Variants in TRMT11 observed in about 807,000 individuals in gnomAD.
TRMT11 encodes the protein tRNA methyltransferase 11.
In TRMT11, 53 loss-of-function variants were observed where a neutral mutation model predicts 62.8. The ratio of observed to expected loss-of-function variants is 0.84; its 90% confidence interval spans 0.68 to 1.06. The LOEUF (loss-of-function observed/expected upper bound fraction) is 1.06. Among genes scored for constraint, TRMT11 ranks in the 50% least tolerant of loss-of-function variants. TRMT11 has a pLI of 0.00. For synonymous variants in TRMT11, 188 were observed against 190.3 expected (o/e 0.99, Z 0.10); for missense variants, 556 against 553.4 (o/e 1.00, Z -0.05).
rs1583871300 is a variant in TRMT11 at position 126,087,694 on chromosome 6, G to C, written c.*1438-25172G>C. Among the ~76,000 whole-genome samples, 3 of 152,188 alleles carry C rather than the reference G, an allele frequency of 2.0e-5. No individual in the cohort carries two copies. In the South Asian group the frequency reaches 6.2e-4, roughly 31 times the overall value. On this transcript the variant is annotated intron_variant and NMD_transcript_variant, in intron 17 of 22. Coordinates refer to the TRMT11 transcript ENST00000648977. ...GCCTTGTAGGAGGCAGGGCCAGGCTGTTCTTGCTTTTAAACTAGGTAGCCA... is the reference window on the plus strand; with the variant it reads ...GCCTTGTAGGAGGCAGGGCCAGGCTCTTCTTGCTTTTAAACTAGGTAGCCA...
chr6:126,194,024 GA>G (rs1294736738), intron 1 of TRMT11, among the ~76,000 whole-genome samples: 1 of 152,142 alleles, frequency 6.6e-6, no homozygotes, highest in African/African-American at 2.4e-5. Flanking sequence ...TTTGTGGTCA[GA>G]AAAGATACTT....
intron 21 of TRMT11, among the ~76,000 whole-genome samples, chr6:126,137,757 T>C (rs532395367): frequency 6.6e-6 from 1 of 151,948 alleles, no homozygotes; most frequent in East Asian, 1.9e-4. Context: ...GCAAATATAG[T>C]GTATATACAC....
the TRMT11 span, among the ~76,000 whole-genome samples, chr6:126,237,634 T>A: frequency 1.3e-5 from 2 of 152,026 alleles, no homozygotes; most frequent in Non-Finnish European, 1.5e-5. Context: ...TGAGCTGAGA[T>A]CATGGCACAG....
At chr6:126,109,527 C>G (rs1777507110) in intron 17 of TRMT11, among the ~76,000 whole-genome samples, 1 of 152,092 alleles carries the variant, frequency 6.6e-6, no homozygotes, top group Non-Finnish European at 1.5e-5. Flanking sequence ...CTAATTTGTC[C>G]AGCTATTGGT....
intron 21 of TRMT11, among the ~76,000 whole-genome samples, chr6:126,151,874 C>CTTTCTT (rs1459413861): frequency 1.3e-5 from 1 of 79,648 alleles, no homozygotes; most frequent in Non-Finnish European, 2.5e-5. Context: ...TTCCTTCTTT[C>CTTTCTT]TCCTTCCTTC....
chr6:126,074,854 C>T (rs1015824724), intron 17 of TRMT11, among the ~76,000 whole-genome samples: 4 of 152,168 alleles, frequency 2.6e-5, no homozygotes, highest in Admixed American at 2.6e-4. Context: ...ATTTTCAAGA[C>T]TAGCTGTCAG....
chr6:126,079,927 A>G (rs1333465478), intron 17 of TRMT11, among the ~76,000 whole-genome samples: 1 of 152,194 alleles, frequency 6.6e-6, no homozygotes, highest in Non-Finnish European at 1.5e-5. Flanking sequence ...CAAGGTATGC[A>G]CATTCACTAT....
At chr6:126,108,595 T>C (rs1777490434) in intron 17 of TRMT11, among the ~76,000 whole-genome samples, 1 of 152,146 alleles carries the variant, frequency 6.6e-6, no homozygotes, top group Non-Finnish European at 1.5e-5. Flanking sequence ...GAGCTGGAAA[T>C]TGCACCCCAA....
At chr6:126,249,066 G>A in the TRMT11 span, among the ~76,000 whole-genome samples, 344 of 152,014 alleles carry the variant, frequency 2.3e-3, no homozygotes, top group Non-Finnish European at 4.1e-3. Context: ...TCTTTTTAAT[G>A]AACAAGGTAT....
At chr6:126,198,121 A>G (rs923066909) in intron 1 of TRMT11, among the ~76,000 whole-genome samples, 7 of 152,318 alleles carry the variant, frequency 4.6e-5, no homozygotes, top group South Asian at 4.1e-4. Context: ...ACCTTTCAGG[A>G]CACAGTCACT....
intron 1 of TRMT11, among the ~76,000 whole-genome samples, chr6:126,193,343 T>G (rs571087175): frequency 6.6e-6 from 1 of 152,054 alleles, no homozygotes; most frequent in South Asian, 2.1e-4. Context: ...GTTTATTATT[T>G]TGTTTATATT....
downstream of TRMT11, among the ~76,000 whole-genome samples, chr6:126,204,016 C>G (rs111317949): frequency 3.0e-3 from 458 of 151,470 alleles, 2 homozygotes; most frequent in Middle Eastern, 6.8e-3. Flanking sequence ...TTAAGAACAA[C>G]CAACTAACCA....
rs114835294 is a variant in TRMT11, at chr6:126,168,848, C to T, written c.*1824-5977C>T. Among the ~76,000 whole-genome samples, 1,424 of 152,286 alleles carry T rather than the reference C, an allele frequency of 9.4e-3. 27 individuals are homozygous for T. The highest frequency in any genetic ancestry group is 0.031 in the African/African-American group (1,308 of 41,554). On this transcript the variant is annotated intron_variant and NMD_transcript_variant, in intron 21 of 22. Coordinates refer to the TRMT11 transcript ENST00000648977. Reference sequence around the variant, plus strand: ...AGAAATGTTATAAAAGTACAAACCACTTGTGCTTTATTTTATGGGTGAGTC... The same window carrying T: ...AGAAATGTTATAAAAGTACAAACCATTTGTGCTTTATTTTATGGGTGAGTC...
chr6:126,131,304 C>G (rs1777779078), intron 21 of TRMT11, among the ~76,000 whole-genome samples: 1 of 151,962 alleles, frequency 6.6e-6, no homozygotes, highest in African/African-American at 2.4e-5. Context: ...ACTTGCACCC[C>G]CATAGACCTC....
intron 16 of TRMT11, among the ~76,000 whole-genome samples, chr6:126,050,956 A>G (rs1776199143): frequency 6.6e-6 from 1 of 152,176 alleles, no homozygotes; most frequent in Non-Finnish European, 1.5e-5. Context: ...AGTTGTAGAG[A>G]TAAATAATCC....
At chr6:126,162,222 T>G (rs1280407136) in intron 21 of TRMT11, among the ~76,000 whole-genome samples, 1 of 152,248 alleles carries the variant, frequency 6.6e-6, no homozygotes, top group African/African-American at 2.4e-5. Context: ...TAATCCATCT[T>G]GAGTTAATTT....
At chr6:126,126,064 A>G (rs1777715104) in intron 21 of TRMT11, among the ~76,000 whole-genome samples, 1 of 152,040 alleles carries the variant, frequency 6.6e-6, no homozygotes, top group Non-Finnish European at 1.5e-5. Context: ...TGCCTAGGAC[A>G]CCACCACTTC....
At chr6:126,123,581 G>A (rs1169856237) in intron 21 of TRMT11, among the ~76,000 whole-genome samples, 1 of 151,766 alleles carries the variant, frequency 6.6e-6, no homozygotes, top group Non-Finnish European at 1.5e-5. Flanking sequence ...TCCTGATAGT[G>A]GACTATCTCT....
the TRMT11 span, among the ~76,000 whole-genome samples, chr6:126,210,494 T>A: frequency 6.6e-6 from 1 of 152,188 alleles, no homozygotes; most frequent in Non-Finnish European, 1.5e-5. Flanking sequence ...CTGACTGGAC[T>A]CCTGACCCAT....
Sources: gnomAD v4.1 joint callset for allele counts (sites outside exome capture counted in the v4.1 genomes callset) on GRCh38, gnomAD v4.1.1 for gene constraint, MANE v1.5 for transcripts, NCBI Gene and HGNC (gene_info 2026-07-23, HGNC 2026-07-21) for gene names.